Variants in SMAP2 observed in about 807,000 individuals in gnomAD.
The protein encoded by SMAP2 is small ArfGAP2.
SMAP2 carries 25 observed loss-of-function variants against 56.4 expected under a neutral mutation model. The observed-to-expected ratio is 0.44, with a 90% confidence interval of 0.32 to 0.62. The LOEUF is 0.62. Ranked by LOEUF, SMAP2 falls within the 20% of genes least tolerant of loss-of-function variation. SMAP2 has a pLI of 0.04. For missense variants in SMAP2, 388 were observed against 545.6 expected, an observed-to-expected ratio of 0.71 and a Z score of 2.88; for synonymous variants, 157 against 181.7, an observed-to-expected ratio of 0.86 and a Z score of 1.09.
chr1:40,358,439 G>A (rs1278460452), intron 1 of SMAP2, among the ~76,000 whole-genome samples: 2 of 152,120 alleles, frequency 1.3e-5, no homozygotes, highest in African/African-American at 4.8e-5. Flanking sequence ...AGCTACTTGG[G>A]AGGCTAAGGC....
At position 40,388,204 on chromosome 1, in the gene SMAP2, TC is replaced by T. The variant is rs533288690; in HGVS notation, c.103+13984del. ...CCGCCCCCTGCTCCACGGCACCCGGTCCCATCAACCACCCAAGGGCTGAGGT... is the reference window on the plus strand; with the variant it reads ...CCGCCCCCTGCTCCACGGCACCCGGTCCATCAACCACCCAAGGGCTGAGGT... On this transcript the variant is annotated intron_variant, in intron 1 of 9. Transcript: ENST00000372718. 8.8e-3 allele frequency among the ~76,000 whole-genome samples: 1,335 copies of T among 152,240 alleles called. 7 individuals carry two copies. Among genetic ancestry groups the T allele is most frequent in the Non-Finnish European group, 0.015 (1,036 of 67,994 alleles).
intron 1 of SMAP2, among the ~76,000 whole-genome samples, chr1:40,383,672 C>T (rs1028451937): frequency 2.0e-5 from 3 of 152,092 alleles, no homozygotes; most frequent in Admixed American, 2.0e-4. Flanking sequence ...CAAATTGGCT[C>T]CTGTATTGAA....
chr1:40,354,934 C>T (rs533343257), intron 1 of SMAP2, among the ~76,000 whole-genome samples: 17 of 151,414 alleles, frequency 1.1e-4, no homozygotes, highest in South Asian at 2.1e-4. Context: ...TAGGCACCCA[C>T]GACCAAACCC....
intron 1 of SMAP2, chr1:40,403,896 C>T (rs1644860266): frequency 6.5e-6 from 1 of 152,734 alleles, no homozygotes; most frequent in African/African-American, 2.4e-5. Flanking sequence ...GCCAGGAGTT[C>T]ACAACCAGCC....
In SMAP2 at chr1:40,373,742, G is replaced by T. The variant is rs1413188393; in HGVS notation, c.-379G>T. 1 of 183,230 alleles carries T rather than the reference G, an allele frequency of 5.5e-6. No individual in the cohort carries two copies. Among genetic ancestry groups the T allele is most frequent in the Admixed American group, 6.2e-5 (1 of 16,118 alleles). 11.4% of individuals were successfully genotyped at this position (183,230 alleles called of 1,614,324 possible). On this transcript the variant is annotated 5_prime_UTR_variant, in exon 1 of 10. Coordinates refer to ENST00000372718, the MANE Select transcript of SMAP2 (RefSeq NM_022733.3). ...AGTAGGCGGTGGAGGTGGTAGCGGA[G>T]CTGACGGCAGCTGCCAGGGAAACCG...
intron 9 of SMAP2, among the ~76,000 whole-genome samples, chr1:40,418,026 C>T (rs867321410): frequency 2.6e-5 from 4 of 152,096 alleles, no homozygotes; most frequent in African/African-American, 9.7e-5. Flanking sequence ...CAAAACATTT[C>T]ACGTAATGAA....
intron 1 of SMAP2, among the ~76,000 whole-genome samples, chr1:40,391,431 A>G (rs1403438233): frequency 1.3e-5 from 2 of 152,114 alleles, no homozygotes; most frequent in African/African-American, 2.4e-5. Flanking sequence ...CAGTCCCTAC[A>G]CGCCTACACC....
chr1:40,421,921 A>G lies in SMAP2; in HGVS notation c.1165-55A>G. 1.9e-6 allele frequency: 3 copies of G among 1,610,892 alleles called. No homozygotes were observed. In the East Asian group the frequency reaches 6.7e-5, roughly 36 times the overall value. ...AAGGGACTCTCACCCTGCCTTTTGCACTAATTGGCGGAATGCCCACAGCCT... is the reference window on the plus strand; with the variant it reads ...AAGGGACTCTCACCCTGCCTTTTGCGCTAATTGGCGGAATGCCCACAGCCT... On this transcript the variant is annotated intron_variant, in intron 9 of 9. Coordinates refer to ENST00000372718, the MANE Select transcript of SMAP2 (RefSeq NM_022733.3).
At chr1:40,384,170 G>T (rs1029897788) in intron 1 of SMAP2, among the ~76,000 whole-genome samples, 6 of 152,186 alleles carry the variant, frequency 3.9e-5, no homozygotes, top group African/African-American at 1.4e-4. Context: ...CCAAAGTGCT[G>T]GGATTGCAGA....
At chr1:40,353,645 C>CG (rs1312917772) in intron 1 of SMAP2, among the ~76,000 whole-genome samples, 98 of 152,350 alleles carry the variant, frequency 6.4e-4, no homozygotes, top group African/African-American at 2.2e-3. Context: ...GCTGGGATTA[C>CG]AGGTCACTGC....
chr1:40,373,983 G>A lies in SMAP2; in HGVS notation c.-138G>A. The A allele has an allele frequency of 1.6e-6, 1 of 627,344 alleles. No homozygotes were observed. Among genetic ancestry groups the A allele is most frequent in the South Asian group, 2.0e-5 (1 of 51,278 alleles). 38.9% of individuals were successfully genotyped at this position (627,344 alleles called of 1,614,324 possible). Reference sequence around the variant, plus strand: ...CCCGACCCGGGAAGGGGCGTCCGGCGGGGCCGGAGGAGAGGGCTCTCCCCG... The same window carrying A: ...CCCGACCCGGGAAGGGGCGTCCGGCAGGGCCGGAGGAGAGGGCTCTCCCCG... On this transcript the variant is annotated 5_prime_UTR_variant, in exon 1 of 10. Coordinates refer to ENST00000372718, the MANE Select transcript of SMAP2 (RefSeq NM_022733.3).
intron 1 of SMAP2, among the ~76,000 whole-genome samples, chr1:40,347,244 T>G (rs1258539163): frequency 7.9e-5 from 3 of 37,740 alleles, no homozygotes; most frequent in Admixed American, 5.8e-4. Context: ...GTGTGTGTTT[T>G]GTTTTTGTTT....
At chr1:40,416,417 CAG>C (rs1395814261) in intron 8 of SMAP2, 76 bp downstream of exon 8, 1 of 1,511,116 alleles carries the variant, frequency 6.6e-7, no homozygotes, top group Non-Finnish European at 9.0e-7. Flanking sequence ...TTTATTGTGA[CAG>C]AGGACAGTTG....
chr1:40,398,170 AT>A (rs1267118165), intron 1 of SMAP2, among the ~76,000 whole-genome samples: 3 of 152,226 alleles, frequency 2.0e-5, no homozygotes, highest in Non-Finnish European at 4.4e-5. Flanking sequence ...CATTATCCCG[AT>A]ATAGTAATAA....
At chr1:40,392,705 C>G (rs1449141575) in intron 1 of SMAP2, among the ~76,000 whole-genome samples, 1 of 152,148 alleles carries the variant, frequency 6.6e-6, no homozygotes, top group Non-Finnish European at 1.5e-5. Flanking sequence ...CCTTGACTTT[C>G]TATTTAGGGT....
At chr1:40,400,812 A>G (rs1417085347) in intron 1 of SMAP2, among the ~76,000 whole-genome samples, 1 of 26,308 alleles carries the variant, frequency 3.8e-5, no homozygotes, top group Non-Finnish European at 6.3e-5. Context: ...TTTTAGAAAG[A>G]TTATTCTGGT....
intron 1 of SMAP2, among the ~76,000 whole-genome samples, chr1:40,392,433 A>C (rs763211085): frequency 1.7e-4 from 26 of 152,124 alleles, no homozygotes; most frequent in Admixed American, 6.5e-5. Context: ...AATTACCCAC[A>C]TGGAGTCTTC....
chr1:40,369,279 C>T (rs1644488369), upstream of SMAP2, among the ~76,000 whole-genome samples: 1 of 69,350 alleles, frequency 1.4e-5, no homozygotes, highest in East Asian at 4.8e-4. Context: ...GCCATACTGC[C>T]CAAGGTAATT....
chr1:40,415,010 C>T (rs951134691), intron 6 of SMAP2, among the ~76,000 whole-genome samples: 18 of 152,336 alleles, frequency 1.2e-4, no homozygotes, highest in Middle Eastern at 3.4e-3. Context: ...CCAGCCAGCC[C>T]CCCACTGTGG....
Sources: gnomAD v4.1 joint callset for allele counts (sites outside exome capture counted in the v4.1 genomes callset) on GRCh38, gnomAD v4.1.1 for gene constraint, MANE v1.5 for transcripts, NCBI Gene and HGNC (gene_info 2026-07-23, HGNC 2026-07-21) for gene names.